Variants in SV2C observed in about 807,000 individuals in gnomAD.
The protein encoded by SV2C is synaptic vesicle glycoprotein 2C, also known as solute carrier family 22 member B3.
Under a neutral mutation model 79.7 loss-of-function variants are expected in SV2C, and 49 were observed. That is an observed-to-expected ratio of 0.61 (90% CI 0.49 to 0.78). The LOEUF is 0.78. Ranked by LOEUF, SV2C falls within the 30% of genes least tolerant of loss-of-function variation. The pLI is 0.00. For missense variants in SV2C, 833 were observed against 912.9 expected, an observed-to-expected ratio of 0.91 and a Z score of 1.13; for synonymous variants, 334 against 333.2, an observed-to-expected ratio of 1.00 and a Z score of -0.03.
the SV2C span, among the ~76,000 whole-genome samples, chr5:75,983,062 C>G: frequency 3.3e-5 from 5 of 152,042 alleles, no homozygotes; most frequent in African/African-American, 1.2e-4. Context: ...TACAACAAAC[C>G]CTCATGATAC....
chr5:76,319,654 AC>A (rs1748761308), intron 12 of SV2C, among the ~76,000 whole-genome samples: 1 of 152,078 alleles, frequency 6.6e-6, no homozygotes, highest in Non-Finnish European at 1.5e-5. Flanking sequence ...ACCCTCAGAT[AC>A]CAGATGCTCC....
intron 2 of SV2C, among the ~76,000 whole-genome samples, chr5:76,157,970 C>A (rs1742785903): frequency 6.6e-6 from 1 of 151,442 alleles, no homozygotes; most frequent in African/African-American, 2.4e-5. Flanking sequence ...TGGTGTAAAT[C>A]TGAAGCTGAT....
chr5:75,875,956 A>G, the SV2C span, among the ~76,000 whole-genome samples: 1 of 151,576 alleles, frequency 6.6e-6, no homozygotes, highest in African/African-American at 2.4e-5. Flanking sequence ...GAGAAAAGGG[A>G]ACACTTACAC....
intron 4 of SV2C, among the ~76,000 whole-genome samples, chr5:76,232,882 A>G (rs1177335521): frequency 7.0e-6 from 1 of 143,460 alleles, no homozygotes. Flanking sequence ...TGATGCCTCC[A>G]GCTTTGTTCT....
chr5:75,901,131 C>G, the SV2C span, among the ~76,000 whole-genome samples: 2 of 152,104 alleles, frequency 1.3e-5, no homozygotes, highest in Non-Finnish European at 2.9e-5. Flanking sequence ...CTGGTGAGGA[C>G]CTGCATTCCT....
Position 76,301,382 on chromosome 5 carries a change from G to C in SV2C, c.1841-4G>C. 6 of 1,613,720 alleles carry C rather than the reference G, an allele frequency of 3.7e-6. No individual in the cohort carries two copies. Among genetic ancestry groups the C allele is most frequent in the Non-Finnish European group, 5.1e-6 (6 of 1,179,892 alleles). ...TTCCAGCCTTTTGTCTGCATTGTTGGCAGGTGGCTCTATGGTGCTTTCGGG... is the reference window on the plus strand; with the variant it reads ...TTCCAGCCTTTTGTCTGCATTGTTGCCAGGTGGCTCTATGGTGCTTTCGGG... On this transcript the variant is annotated splice_region_variant and splice_polypyrimidine_tract_variant and intron_variant, in intron 11 of 12. Coordinates refer to ENST00000502798, the MANE Select transcript of SV2C (RefSeq NM_014979.4).
chr5:76,083,147 C>G (rs1747047702), upstream of SV2C: 1 of 152,438 alleles, frequency 6.6e-6, no homozygotes, highest in Admixed American at 6.5e-5. Context: ...CCCAGTCCCA[C>G]ACCGCAGCAG....
At chr5:75,860,852 A>G in the SV2C span, among the ~76,000 whole-genome samples, 1 of 152,224 alleles carries the variant, frequency 6.6e-6, no homozygotes, top group Non-Finnish European at 1.5e-5. Context: ...TCCCTATTCA[A>G]TAAATGGTGC....
upstream of SV2C, among the ~76,000 whole-genome samples, chr5:76,081,592 C>T (rs1746993325): frequency 6.6e-6 from 1 of 152,088 alleles, no homozygotes; most frequent in Non-Finnish European, 1.5e-5. Flanking sequence ...TGAAAATGAG[C>T]ACGTTCACTA....
the SV2C span, among the ~76,000 whole-genome samples, chr5:75,971,704 A>T: frequency 7.9e-5 from 12 of 152,180 alleles, no homozygotes; most frequent in East Asian, 3.9e-4. Context: ...GAACATTCCA[A>T]GCTCATGGGT....
At chr5:76,128,570 T>A (rs1748784481) in intron 1 of SV2C, among the ~76,000 whole-genome samples, 1 of 152,228 alleles carries the variant, frequency 6.6e-6, no homozygotes, top group Non-Finnish European at 1.5e-5. Context: ...ACAAGCTTTG[T>A]GACTTTGGGC....
chr5:76,184,839 C>A (rs989385702), intron 2 of SV2C, among the ~76,000 whole-genome samples: 2 of 152,218 alleles, frequency 1.3e-5, no homozygotes, highest in African/African-American at 4.8e-5. Flanking sequence ...GATCTCATGT[C>A]CTCACATTTC....
chr5:76,138,302 C>T (rs71629001), intron 2 of SV2C, among the ~76,000 whole-genome samples: 4,030 of 152,226 alleles, frequency 0.026, 90 homozygotes, highest in African/African-American at 0.049. Flanking sequence ...AGTTCCCTCA[C>T]GTTTTCATTT....
chr5:76,221,481 T>C (rs920278959), intron 4 of SV2C, among the ~76,000 whole-genome samples: 2 of 152,226 alleles, frequency 1.3e-5, no homozygotes, highest in Admixed American at 6.5e-5. Context: ...GGGTGCCGCC[T>C]GCTGTTAGTA....
chr5:75,991,590 C>CACATATAT, the SV2C span, among the ~76,000 whole-genome samples: 3 of 144,328 alleles, frequency 2.1e-5, no homozygotes, highest in African/African-American at 5.1e-5. Flanking sequence ...TATATACACA[C>CACATATAT]ATATATATAT....
chr5:75,913,346 C>T, the SV2C span, among the ~76,000 whole-genome samples: 1,223 of 152,178 alleles, frequency 8.0e-3, 12 homozygotes, highest in African/African-American at 0.027. Context: ...TCTGAATATG[C>T]CATTGTATCT....
chr5:76,080,208 TA>T (rs778943890), upstream of SV2C, among the ~76,000 whole-genome samples: 10 of 152,078 alleles, frequency 6.6e-5, no homozygotes, highest in East Asian at 1.9e-4. Context: ...AGACAGAGTT[TA>T]AAAAAAATGA....
chr5:76,160,487 C>T (rs780411238), intron 2 of SV2C, among the ~76,000 whole-genome samples: 11 of 152,088 alleles, frequency 7.2e-5, no homozygotes, highest in African/African-American at 1.4e-4. Context: ...AAATATTATT[C>T]GCAAAGGATT....
intron 4 of SV2C, among the ~76,000 whole-genome samples, chr5:76,280,739 C>CCGGGTGTG (rs1444142684): frequency 6.6e-6 from 1 of 152,184 alleles, no homozygotes; most frequent in Non-Finnish European, 1.5e-5. Flanking sequence ...CGGGACCTGC[C>CCGGGTGTG]CGGGTGTGGG....
Sources: gnomAD v4.1 joint callset for allele counts (sites outside exome capture counted in the v4.1 genomes callset) on GRCh38, gnomAD v4.1.1 for gene constraint, MANE v1.5 for transcripts, NCBI Gene and HGNC (gene_info 2026-07-23, HGNC 2026-07-21) for gene names.